Variants in SS18L1 observed in about 807,000 individuals in gnomAD.
SS18L1 encodes SS18L1 subunit of BAF chromatin remodeling complex, also known as calcium-responsive transactivator.
SS18L1 carries 32 observed loss-of-function variants against 70.3 expected under a neutral mutation model. The ratio of observed to expected loss-of-function variants is 0.46; its 90% CI spans 0.34 to 0.61. The LOEUF (loss-of-function observed/expected upper bound fraction) is 0.61, where lower values mean the gene tolerates loss of function less well. Ranked by LOEUF, SS18L1 falls within the 20% of genes least tolerant of loss-of-function variation. The probability of loss-of-function intolerance (pLI) is 0.01; values close to 1 mark genes in which losing one functional copy is unlikely to be tolerated. For synonymous variants in SS18L1, 237 were observed against 229.7 expected, an observed-to-expected ratio of 1.03 and a Z score of -0.29; for missense variants, 430 against 542.1, an observed-to-expected ratio of 0.79 and a Z score of 2.05.
chr20:62,165,875 C>T (rs543322968), intron 8 of SS18L1, among the ~76,000 whole-genome samples: 2 of 151,690 alleles, frequency 1.3e-5, no homozygotes, highest in East Asian at 3.9e-4. Flanking sequence ...GGCCAGGGAT[C>T]GTGGGGCCTG....
In SS18L1 at chr20:62,157,393, C is replaced by G. The variant is rs553806915; in HGVS notation, c.70-1279C>G. Among the ~76,000 whole-genome samples the G allele has an allele frequency of 1.8e-4, 27 of 152,326 alleles. No homozygotes were observed. The South Asian group carries it at 5.4e-3, about 30-fold the overall frequency. On this transcript the variant is annotated intron_variant, in intron 1 of 10. Coordinates refer to ENST00000331758, the MANE Select transcript of SS18L1 (RefSeq NM_198935.3). ...AACCTGGGGAATCTGTGGGCCCAGC[C>G]CCCTGCTGCTCAGGTGTGGCCAGGC... is the stretch of plus-strand genomic sequence containing the variant.
Position 62,163,585 on chromosome 20 carries a change from G to A in SS18L1, c.684G>A (p.Gly228=). The stretch of plus-strand genomic sequence containing the variant: ...GCAGCCAGGGGAGCAGCATGATGGG[G>A]CAGCGGCCCATGGCGCCCTACCGGC... ...GQGSQGSSMM[G]QRPMAPYRPS... The change falls in exon 6 of 11, where the codon GGG becomes GGA. Residue 228 remains glycine, a synonymous_variant. Transcript: ENST00000331758. 1.2e-6 allele frequency: 2 copies of A among 1,607,018 alleles called. No homozygotes were observed. Among genetic ancestry groups the A allele is most frequent in the Non-Finnish European group, 8.5e-7 (1 of 1,178,590 alleles).
At chr20:62,172,039 G>A (rs1361967692) in intron 8 of SS18L1, among the ~76,000 whole-genome samples, 3 of 152,012 alleles carry the variant, frequency 2.0e-5, no homozygotes, top group Admixed American at 1.3e-4. Context: ...GCGGGCACCT[G>A]TAGTCCCAGC....
Position 62,159,784 on chromosome 20 carries a change from G to T in SS18L1, c.147-93G>T. 1 of 1,244,196 alleles carries T rather than the reference G, an allele frequency of 8.0e-7. No individual in the cohort carries two copies. The highest frequency in any genetic ancestry group is 1.4e-5 in the South Asian group (1 of 72,998). 77.1% of individuals were successfully genotyped at this position (1,244,196 alleles called of 1,614,324 possible). On this transcript the variant is annotated intron_variant, in intron 2 of 10. Coordinates refer to ENST00000331758, the MANE Select transcript of SS18L1 (RefSeq NM_198935.3). This position sits in a 1 kb window ranked among gnomAD's most constrained non-coding sequence, Gnocchi z 4.4. ...CCTCATGGGGTTTGGCTGGATGTCA[G>T]GCTGTCTTGTTCACACTTTACTTCT...
intron 10 of SS18L1, among the ~76,000 whole-genome samples, chr20:62,177,350 T>G (rs550670694): frequency 6.6e-6 from 1 of 151,880 alleles, no homozygotes; most frequent in Admixed American, 6.5e-5. Context: ...TGCCATGCCT[T>G]CAGCTGAGCA....
chr20:62,155,437 C>T (rs1435102890), intron 1 of SS18L1, among the ~76,000 whole-genome samples: 1 of 152,186 alleles, frequency 6.6e-6, no homozygotes. Flanking sequence ...TAGAAAAAGT[C>T]TCCGTCTTGC....
intron 1 of SS18L1, among the ~76,000 whole-genome samples, chr20:62,144,937 CACCTTG>C (rs1445651624): frequency 6.6e-6 from 1 of 152,234 alleles, no homozygotes; most frequent in Non-Finnish European, 1.5e-5. Context: ...TAAGGGGGTT[CACCTTG>C]ACCTTGACTG....
intron 5 of SS18L1, 41 bp downstream of exon 5, chr20:62,162,972 G>C: frequency 6.3e-7 from 1 of 1,599,796 alleles, no homozygotes. Flanking sequence ...GCCTGGGCCT[G>C]CCTCCAAGAC....
intron 1 of SS18L1, among the ~76,000 whole-genome samples, chr20:62,146,514 T>C (rs2057028622): frequency 6.6e-6 from 1 of 152,006 alleles, no homozygotes; most frequent in African/African-American, 2.4e-5. Context: ...CAGGGGTCAG[T>C]TACCTGCTCT....
chr20:62,172,586 T>G (rs2057550884), intron 8 of SS18L1, 96 bp from the exon 9 acceptor site: 3 of 1,583,264 alleles, frequency 1.9e-6, no homozygotes, highest in Non-Finnish European at 2.6e-6. Flanking sequence ...GATTTGGTTT[T>G]GGGATTCCAA....
At chr20:62,144,218 G>A (rs540695890) in intron 1 of SS18L1, among the ~76,000 whole-genome samples, 118 of 151,880 alleles carry the variant, frequency 7.8e-4, no homozygotes, top group African/African-American at 2.6e-3. Context: ...CGAGTCCGCG[G>A]CGCGCGCTGG....
Position 62,180,410 on chromosome 20 carries a change from A to G in SS18L1, c.*1202A>G, listed in dbSNP as rs1400849482. The stretch of plus-strand genomic sequence containing the variant: ...AAATCCCACATTTCAATTAACAAGT[A>G]GCATGGACATTTGATCAACCTTTAG... On this transcript the variant is annotated 3_prime_UTR_variant, in exon 11 of 11. Transcript: ENST00000331758. The G allele has an allele frequency of 5.4e-6, 1 of 184,928 alleles. No individual in the cohort carries two copies. The highest frequency in any genetic ancestry group is 1.1e-5 in the Non-Finnish European group (1 of 87,402). 11.5% of individuals were successfully genotyped at this position (184,928 alleles called of 1,614,324 possible). A position where few individuals can be genotyped will look rare whatever the true frequency, so the allele number is the denominator to read the frequency against.
chr20:62,157,841 G>A (rs1204387376), intron 1 of SS18L1, among the ~76,000 whole-genome samples: 1 of 152,056 alleles, frequency 6.6e-6, no homozygotes, highest in Non-Finnish European at 1.5e-5. Flanking sequence ...GCCCGGTTCC[G>A]CAGTCTCACG....
In SS18L1 at chr20:62,164,351, A is replaced by G. The variant is rs1041393641; in HGVS notation, c.823+105A>G. On this transcript the variant is annotated intron_variant, in intron 7 of 10. Transcript: ENST00000331758. ...GGTGTGGCCACTGCAGTGTGTCCTC[A>G]GTCATTCCAGCTCAGGCCTGGGCTA... 70 of 1,170,170 alleles carry G rather than the reference A, an allele frequency of 6.0e-5. No individual in the cohort carries two copies. The South Asian group carries it at 9.7e-4, about 16-fold the overall frequency. The allele number at this position is 1,170,170 out of a possible 1,614,324, so 72.5% of individuals were successfully genotyped here.
chr20:62,165,273 G>A lies in SS18L1; in HGVS notation c.824-149G>A. ...TGGGGAGGCCGAGGCTCAGGAGGTT[G>A]GGGCATGGTTTTGGGGAACACGGGT... On this transcript the variant is annotated intron_variant, in intron 7 of 10. Transcript: ENST00000331758. 4 of 682,014 alleles carry A rather than the reference G, an allele frequency of 5.9e-6. No homozygotes were observed. The South Asian group carries it at 7.4e-5, about 13-fold the overall frequency. 42.2% of individuals were successfully genotyped at this position (682,014 alleles called of 1,614,324 possible). A position where few individuals can be genotyped will look rare whatever the true frequency, so the allele number is the denominator to read the frequency against.
At chr20:62,163,093 G>A (rs1051530914) in intron 5 of SS18L1, among the ~76,000 whole-genome samples, 162 bp downstream of exon 5, 5 of 152,168 alleles carry the variant, frequency 3.3e-5, no homozygotes, top group East Asian at 1.9e-4. Flanking sequence ...GAGAGCTTCC[G>A]GAGGGATGGG....
chr20:62,150,633 A>AATTTTTT (rs1199902967), intron 1 of SS18L1, among the ~76,000 whole-genome samples: 22 of 58,050 alleles, frequency 3.8e-4, no homozygotes, highest in Non-Finnish European at 5.3e-4. Context: ...ATTGAGGTGG[A>AATTTTTT]TTTTTTTTTT....
intron 10 of SS18L1, among the ~76,000 whole-genome samples, 162 bp from the exon 11 acceptor site, chr20:62,179,020 G>A (rs1181239829): frequency 3.3e-5 from 5 of 152,252 alleles, no homozygotes; most frequent in Non-Finnish European, 7.3e-5. Flanking sequence ...CCCCAGGCTT[G>A]GCCAGTGGCT....
At position 62,153,729 on chromosome 20, in the gene SS18L1, G is replaced by C. The variant is rs139946908; in HGVS notation, c.70-4943G>C. On this transcript the variant is annotated intron_variant, in intron 1 of 10. Transcript: ENST00000331758. Reference sequence around the variant, plus strand: ...CCTCCTTTGCTCAGGTATTCTTCCGGGTTTCAGTCTCGGGGCTGCTCTCCG... The same window carrying C: ...CCTCCTTTGCTCAGGTATTCTTCCGCGTTTCAGTCTCGGGGCTGCTCTCCG... 3.9e-3 allele frequency among the ~76,000 whole-genome samples: 589 copies of C among 152,168 alleles called. 2 individuals carry two copies. The highest frequency in any genetic ancestry group is 0.012 in the African/African-American group (512 of 41,504).
Sources: allele counts gnomAD v4.1 joint callset (sites outside exome capture counted in the v4.1 genomes callset), GRCh38; gene constraint gnomAD v4.1.1; non-coding constraint Gnocchi (gnomAD v3.1); transcripts MANE v1.5; gene names NCBI Gene and HGNC (gene_info 2026-07-23, HGNC 2026-07-21).